Variants in REPS2 observed in about 807,000 individuals in gnomAD.
REPS2 encodes the protein RALBP1 associated Eps domain containing 2, also known as ralBP1-associated Eps domain-containing protein 2.
Under a neutral mutation model 53.6 loss-of-function variants are expected in REPS2, and 23 were observed. The ratio of observed to expected loss-of-function variants is 0.43; its 90% CI spans 0.31 to 0.61. REPS2 has a LOEUF of 0.61. REPS2 is among the 20% of genes least tolerant of loss of function. REPS2 has a pLI of 0.11. For synonymous variants in REPS2, 238 were observed against 218.6 expected, an observed-to-expected ratio of 1.09 and a Z score of -0.78; for missense variants, 446 against 534.9, an observed-to-expected ratio of 0.83 and a Z score of 1.64.
intron 2 of REPS2, among the ~76,000 whole-genome samples, chrX:17,018,514 A>G (rs753509191): frequency 9.2e-6 from 1 of 108,725 alleles, no homozygotes; most frequent in South Asian, 4.0e-4. Flanking sequence ...TGGTTCTATG[A>G]GTTTGGCTAC....
intron 1 of REPS2, among the ~76,000 whole-genome samples, chrX:16,953,756 G>A (rs974839083): frequency 1.2e-4 from 13 of 111,008 alleles, no homozygotes; most frequent in African/African-American, 2.6e-4. Flanking sequence ...GTTACAGTGC[G>A]GTAGAGACCC....
intron 2 of REPS2, among the ~76,000 whole-genome samples, chrX:17,014,782 C>G (rs112471864): frequency 3.3e-4 from 37 of 112,462 alleles, no homozygotes; most frequent in Non-Finnish European, 5.6e-4. Flanking sequence ...ATGACTAAGG[C>G]AAGTCTTGCT....
chrX:17,147,951 C>T lies in REPS2; in HGVS notation c.*470C>T, dbSNP rs1190700862. The T allele has an allele frequency of 8.9e-6, 1 of 112,883 alleles. No homozygotes were observed. The highest frequency in any genetic ancestry group is 3.2e-5 in the African/African-American group (1 of 30,791). The allele number at this position is 112,883 out of a possible 1,213,427, so 9.3% of individuals were successfully genotyped here. Reference sequence around the variant, plus strand: ...GTAATTGGGATTCCAACTAGATAGTCATTGGTGTGACCATAATAAAAACAA... The same window carrying T: ...GTAATTGGGATTCCAACTAGATAGTTATTGGTGTGACCATAATAAAAACAA... On this transcript the variant is annotated 3_prime_UTR_variant, in exon 18 of 18. Transcript: ENST00000357277.
intron 13 of REPS2, among the ~76,000 whole-genome samples, chrX:17,102,846 A>G (rs1164382512): frequency 8.9e-6 from 1 of 112,920 alleles, no homozygotes; most frequent in African/African-American, 3.2e-5. Flanking sequence ...CAAATTTGCA[A>G]ATAAACTACA....
chrX:17,084,030 T>TC (rs1227388668), intron 13 of REPS2, among the ~76,000 whole-genome samples: 1 of 109,277 alleles, frequency 9.2e-6, no homozygotes, highest in Non-Finnish European at 1.9e-5. Flanking sequence ...AATATTTTCA[T>TC]CCCCCTCAAA....
At chrX:17,008,417 GAGCAGGATTGTTGAAGTTATCACTTGTGT>G (rs2061388156) in intron 2 of REPS2, among the ~76,000 whole-genome samples, 1 of 111,925 alleles carries the variant, frequency 8.9e-6, no homozygotes, top group Non-Finnish European at 1.9e-5. Flanking sequence ...TGAGGGCAGG[GAGCAGGATTGTTGAAGTTATCACTTGTGT>G]AAAGGATTAA....
intron 5 of REPS2, among the ~76,000 whole-genome samples, chrX:17,042,722 T>C (rs2061848413): frequency 9.4e-6 from 1 of 106,451 alleles, no homozygotes; most frequent in Non-Finnish European, 2.0e-5. Context: ...GTCCTTCACA[T>C]TGAAACCTGG....
At chrX:17,189,577 G>A in the REPS2 span, among the ~76,000 whole-genome samples, 5 of 111,025 alleles carry the variant, frequency 4.5e-5, no homozygotes, top group Admixed American at 1.9e-4. Context: ...ATGAGCCACC[G>A]CACCCAGTGG....
rs752239643 is a variant in REPS2 at position 16,997,011 on chromosome X, A to C, written c.274-9210A>C. ...TGAGAAGCACTAAAAATGTCAATAA[A>C]TGAATTGTCTGAAAAACTAATCCTT... On this transcript the variant is annotated intron_variant, in intron 1 of 17. Transcript: ENST00000357277. Among the ~76,000 whole-genome samples, 134 of 112,455 alleles carry C rather than the reference A, an allele frequency of 1.2e-3. 1 individual carries two copies. Among genetic ancestry groups the C allele is most frequent in the African/African-American group, 4.0e-3 (124 of 30,975 alleles).
At chrX:17,059,283 A>G (rs2062120778) in intron 8 of REPS2, among the ~76,000 whole-genome samples, 1 of 104,232 alleles carries the variant, frequency 9.6e-6, no homozygotes, top group Non-Finnish European at 2.0e-5. Context: ...GTGCTGGACA[A>G]CACGCCCGGC....
At chrX:17,120,511 G>T (rs1366188031) in intron 14 of REPS2, among the ~76,000 whole-genome samples, 1 of 110,913 alleles carries the variant, frequency 9.0e-6, no homozygotes, top group Non-Finnish European at 1.9e-5. Context: ...AATGATGCCT[G>T]GTGCCATAGT....
At chrX:17,056,912 GGAAA>G (rs1369338288) in intron 8 of REPS2, among the ~76,000 whole-genome samples, 1 of 111,908 alleles carries the variant, frequency 8.9e-6, no homozygotes, top group African/African-American at 3.3e-5. Flanking sequence ...CCTTTAGATG[GGAAA>G]GAGTCATGGT....
intron 14 of REPS2, among the ~76,000 whole-genome samples, 184 bp downstream of exon 14, chrX:17,103,963 GAAGAGAGA>G (rs1569179066): frequency 9.0e-6 from 1 of 111,297 alleles, no homozygotes; most frequent in Non-Finnish European, 1.9e-5. Flanking sequence ...GCCTCATGTG[GAAGAGAGA>G]AAGTTTCCTC....
intron 1 of REPS2, among the ~76,000 whole-genome samples, chrX:16,955,061 C>T (rs1427516220): frequency 9.0e-6 from 1 of 110,568 alleles, no homozygotes; most frequent in Admixed American, 9.6e-5. Context: ...GATCTGCCCA[C>T]CCTGGCCTCC....
At chrX:17,050,851 C>G (rs980166700) in intron 6 of REPS2, among the ~76,000 whole-genome samples, 1 of 111,694 alleles carries the variant, frequency 9.0e-6, no homozygotes, top group Non-Finnish European at 1.9e-5. Flanking sequence ...CTTTGAGTTA[C>G]AAACAATCCA....
Position 17,100,359 on chromosome X carries a change from G to C in REPS2, c.1517-3359G>C. 6.3e-6 allele frequency: 3 copies of C among 477,055 alleles called. No individual in the cohort carries two copies. The East Asian group carries it at 1.0e-4, about 16-fold the overall frequency. The allele number at this position is 477,055 out of a possible 1,213,427, so 39.3% of individuals were successfully genotyped here. A position where few individuals can be genotyped will look rare whatever the true frequency, so the allele number is the denominator to read the frequency against. Reference sequence around the variant, plus strand: ...GTGATGCTGCTCAGAGCAGTGCCCAGGAGCCGGAAAGGAATCGGTGCTGCG... The same window carrying C: ...GTGATGCTGCTCAGAGCAGTGCCCACGAGCCGGAAAGGAATCGGTGCTGCG... On this transcript the variant is annotated intron_variant, in intron 13 of 17. Transcript: ENST00000357277.
At chrX:17,030,920 C>T (rs1265838571) in intron 5 of REPS2, among the ~76,000 whole-genome samples, 1 of 112,100 alleles carries the variant, frequency 8.9e-6, no homozygotes, top group Non-Finnish European at 1.9e-5. Flanking sequence ...CATAAAGAAA[C>T]GTTGGGTGTA....
intron 5 of REPS2, among the ~76,000 whole-genome samples, chrX:17,046,217 C>T (rs977862149): frequency 1.9e-5 from 2 of 106,366 alleles, no homozygotes. Context: ...TGCAGTGGTG[C>T]GACCTCTGCT....
In REPS2 at chrX:17,062,817, C is replaced by T. The variant is rs1215871941; in HGVS notation, c.1209+285C>T. ...TCTAGATGTGAAATGTAGATATAGC[C>T]AAACTAAGACAGAAAATTCTAGCCA... On this transcript the variant is annotated intron_variant, in intron 9 of 17. Coordinates refer to ENST00000357277, the MANE Select transcript of REPS2 (RefSeq NM_004726.3). Among the ~76,000 whole-genome samples the T allele has an allele frequency of 4.5e-5, 5 of 111,673 alleles. No individual in the cohort carries two copies. In the Admixed American group the frequency reaches 4.8e-4, roughly 11 times the overall value.
Sources: gnomAD v4.1 joint callset for allele counts (sites outside exome capture counted in the v4.1 genomes callset) on GRCh38, gnomAD v4.1.1 for gene constraint, MANE v1.5 for transcripts, NCBI Gene and HGNC (gene_info 2026-07-23, HGNC 2026-07-21) for gene names.